Variants in MTX2 observed in about 807,000 individuals in gnomAD.
MTX2 encodes the protein metaxin 2.
A neutral mutation model predicts 42.3 loss-of-function variants in MTX2; 35 were observed. That is an observed-to-expected ratio of 0.83 (90% CI 0.63 to 1.10). The LOEUF (loss-of-function observed/expected upper bound fraction) is 1.10. Among genes scored for constraint, MTX2 ranks in the 50% least tolerant of loss-of-function variants. MTX2 has a pLI of 0.00. For synonymous variants in MTX2, 119 were observed against 100.9 expected (o/e 1.18, Z -1.08); for missense variants, 307 against 304.1 (o/e 1.01, Z -0.07).
At chr2:176,271,888 A>G (rs780038472) in intron 1 of MTX2, among the ~76,000 whole-genome samples, 2 of 152,202 alleles carry the variant, frequency 1.3e-5, no homozygotes, top group Non-Finnish European at 2.9e-5. Context: ...CAATCCACCA[A>G]TTCCACTTCT....
intron 3 of MTX2, among the ~76,000 whole-genome samples, chr2:176,322,443 A>G (rs560708864): frequency 2.6e-5 from 4 of 152,210 alleles, no homozygotes; most frequent in South Asian, 4.1e-4. Flanking sequence ...TCCAATTTGT[A>G]TGTGGTAATT....
intron 9 of MTX2, among the ~76,000 whole-genome samples, chr2:176,336,162 G>A (rs527706612): frequency 1.3e-5 from 2 of 152,184 alleles, no homozygotes; most frequent in East Asian, 3.9e-4. Flanking sequence ...GTAATAATTA[G>A]CTCGTAATTA....
chr2:176,270,352 T>G (rs1381369491), intron 1 of MTX2: 1 of 1,359,974 alleles, frequency 7.4e-7, no homozygotes, highest in Non-Finnish European at 9.8e-7. Flanking sequence ...ATGGAAAATT[T>G]TTAAATCTGC....
intron 9 of MTX2, among the ~76,000 whole-genome samples, chr2:176,335,274 C>G (rs550071315): frequency 2.0e-5 from 3 of 151,928 alleles, no homozygotes; most frequent in Admixed American, 2.0e-4. Context: ...GAGTTTGTTA[C>G]GTTCAAATGC....
At chr2:176,289,780 T>G (rs1693287881) in intron 1 of MTX2, among the ~76,000 whole-genome samples, 1 of 152,122 alleles carries the variant, frequency 6.6e-6, no homozygotes, top group African/African-American at 2.4e-5. Flanking sequence ...GTGGGTAGTT[T>G]AATTTAGAAC....
At chr2:176,307,549 T>A (rs1684183883) in intron 3 of MTX2, among the ~76,000 whole-genome samples, 1 of 152,224 alleles carries the variant, frequency 6.6e-6, no homozygotes, top group Non-Finnish European at 1.5e-5. Context: ...GGAATGTTCT[T>A]CCATTTGTTT....
At chr2:176,303,589 G>T (rs1441632981) in intron 3 of MTX2, among the ~76,000 whole-genome samples, 1 of 152,048 alleles carries the variant, frequency 6.6e-6, no homozygotes, top group Non-Finnish European at 1.5e-5. Flanking sequence ...GATTATTTCA[G>T]TATATAAAAT....
intron 8 of MTX2, 102 bp from the exon 9 acceptor site, chr2:176,330,482 T>C (rs539390636): frequency 1.4e-6 from 1 of 714,154 alleles, no homozygotes; most frequent in East Asian, 2.7e-5. Flanking sequence ...TTAACTTAAA[T>C]TTATATTTTT....
chr2:176,295,792 G>A (rs34371773), intron 1 of MTX2, among the ~76,000 whole-genome samples: 9,066 of 152,140 alleles, frequency 0.06, 301 homozygotes, highest in Non-Finnish European at 0.08. Context: ...AGAAAAAAAT[G>A]CTTCACATGT....
intron 1 of MTX2, among the ~76,000 whole-genome samples, chr2:176,276,377 A>G (rs1254356364): frequency 3.3e-5 from 5 of 152,290 alleles, no homozygotes; most frequent in South Asian, 4.1e-4. Flanking sequence ...TAAGCTTTTG[A>G]GCTACTGTGT....
intron 3 of MTX2, among the ~76,000 whole-genome samples, chr2:176,300,193 T>C (rs184482910): frequency 1.1e-4 from 16 of 152,130 alleles, no homozygotes; most frequent in Admixed American, 2.6e-4. Context: ...TTGAAGGACT[T>C]AAGCTTATGC....
intron 3 of MTX2, among the ~76,000 whole-genome samples, chr2:176,315,566 T>C (rs1684415801): frequency 6.6e-6 from 1 of 152,178 alleles, no homozygotes; most frequent in Non-Finnish European, 1.5e-5. Context: ...GTTTGTGTCC[T>C]TTGAAGGGTT....
chr2:176,293,773 C>A (rs1294864970), intron 1 of MTX2, among the ~76,000 whole-genome samples: 3 of 152,180 alleles, frequency 2.0e-5, no homozygotes, highest in African/African-American at 7.2e-5. Flanking sequence ...TCAGGTATTT[C>A]TTTACAACAG....
At chr2:176,293,968 C>T in intron 1 of MTX2, among the ~76,000 whole-genome samples, 1 of 152,122 alleles carries the variant, frequency 6.6e-6, no homozygotes, top group African/African-American at 2.4e-5. Context: ...AGTCTACTTG[C>T]CTTCTCTTTT....
chr2:176,320,545 T>G (rs556370315), intron 3 of MTX2, among the ~76,000 whole-genome samples: 2 of 152,292 alleles, frequency 1.3e-5, no homozygotes, highest in South Asian at 4.1e-4. Context: ...TCGTAAAATA[T>G]GAGCACTCAC....
chr2:176,307,186 T>C lies in MTX2; in HGVS notation c.135+9291T>C, dbSNP rs1441397115. Reference sequence around the variant, plus strand: ...GGGAATCCTTTTCACATTTCTTGTTTTTGTCAGGTTTGTCAAAGATCAGAT... The same window carrying C: ...GGGAATCCTTTTCACATTTCTTGTTCTTGTCAGGTTTGTCAAAGATCAGAT... On this transcript the variant is annotated intron_variant, in intron 3 of 9. Coordinates refer to ENST00000249442, the MANE Select transcript of MTX2 (RefSeq NM_006554.5). Among the ~76,000 whole-genome samples the C allele has an allele frequency of 2.0e-5, 3 of 152,210 alleles. No homozygotes were observed. In the East Asian group the frequency reaches 5.8e-4, roughly 29 times the overall value.
chr2:176,269,689 AC>A lies in MTX2; in HGVS notation c.40+23del. 2 of 1,587,556 alleles carry A rather than the reference AC, an allele frequency of 1.3e-6. No individual in the cohort carries two copies. Among genetic ancestry groups the A allele is most frequent in the Non-Finnish European group, 8.5e-7 (1 of 1,170,398 alleles). On this transcript the variant is annotated intron_variant, in intron 1 of 9. Coordinates refer to ENST00000249442, the MANE Select transcript of MTX2 (RefSeq NM_006554.5). ...TTGCAGGTAGCGCGGCTGGCCGCAG[AC>A]CCAGAAGGTGGCGGCGCGGTCTCGG...
chr2:176,305,464 C>A (rs560926288), intron 3 of MTX2, among the ~76,000 whole-genome samples: 1 of 151,940 alleles, frequency 6.6e-6, no homozygotes. Flanking sequence ...TCTGTACTTT[C>A]GACTATTTTA....
intron 9 of MTX2, among the ~76,000 whole-genome samples, chr2:176,333,150 TAAA>T (rs1684900386): frequency 6.6e-6 from 1 of 151,612 alleles, no homozygotes; most frequent in East Asian, 1.9e-4. Flanking sequence ...ATTTTTCTAA[TAAA>T]AAGTCTATAA....
Sources: allele counts gnomAD v4.1 joint callset (sites outside exome capture counted in the v4.1 genomes callset), GRCh38; gene constraint gnomAD v4.1.1; transcripts MANE v1.5; gene names NCBI Gene and HGNC (gene_info 2026-07-23, HGNC 2026-07-21).